SOX6: variants seen among roughly 807,000 people sequenced by gnomAD.
The protein encoded by SOX6 is SRY-box transcription factor 6.
In SOX6, 11 loss-of-function variants were observed where a neutral mutation model predicts 97.8. The ratio of observed to expected loss-of-function variants is 0.11; its 90% CI spans 0.07 to 0.19. The LOEUF (loss-of-function observed/expected upper bound fraction) is 0.19. SOX6 is among the 10% of genes least tolerant of loss of function. SOX6 has a pLI of 1.00. For missense variants in SOX6, 810 were observed against 1,039.5 expected (o/e 0.78, Z 3.04); for synonymous variants, 360 against 371.4 (o/e 0.97, Z 0.35).
intron 4 of SOX6, among the ~76,000 whole-genome samples, chr11:16,609,868 T>A (rs1848377056): frequency 6.6e-6 from 1 of 152,124 alleles, no homozygotes; most frequent in Non-Finnish European, 1.5e-5. Flanking sequence ...GAGGAGTTAG[T>A]CCCCAGCAAG....
chr11:16,444,292 T>C (rs1035887778), intron 1 of SOX6, among the ~76,000 whole-genome samples: 1 of 152,164 alleles, frequency 6.6e-6, no homozygotes, highest in African/African-American at 2.4e-5. Context: ...GGCAGAAGAA[T>C]GAATCTTTGT....
chr11:16,600,357 C>A (rs1162667906), intron 4 of SOX6, among the ~76,000 whole-genome samples: 1 of 152,164 alleles, frequency 6.6e-6, no homozygotes, highest in Non-Finnish European at 1.5e-5. Flanking sequence ...AGCATGGTAT[C>A]ACTATAAAAA....
chr11:16,699,055 A>G (rs531449233), intron 3 of SOX6, among the ~76,000 whole-genome samples: 10 of 152,238 alleles, frequency 6.6e-5, no homozygotes, highest in Non-Finnish European at 1.3e-4. Flanking sequence ...TTCAATTTGC[A>G]AAAGATGCAG....
At chr11:16,062,740 T>A (rs979166247) in intron 9 of SOX6, among the ~76,000 whole-genome samples, 1 of 151,768 alleles carries the variant, frequency 6.6e-6, no homozygotes. Flanking sequence ...AAAAGCACTT[T>A]AAGAAATGAT....
At chr11:16,104,679 G>T (rs1480695282) in intron 7 of SOX6, among the ~76,000 whole-genome samples, 2 of 151,448 alleles carry the variant, frequency 1.3e-5, no homozygotes, top group Non-Finnish European at 3.0e-5. Flanking sequence ...CAGGTTGGGG[G>T]TTATCTTGGA....
Position 16,356,431 on chromosome 11 carries a change from C to T in SOX6, c.-342G>A, listed in dbSNP as rs1857076790. Among the ~76,000 whole-genome samples, 4 of 152,070 alleles carry T rather than the reference C, an allele frequency of 2.6e-5. No individual in the cohort carries two copies. The highest frequency in any genetic ancestry group is 2.6e-4 in the Admixed American group (4 of 15,232). On this transcript the variant is annotated 5_prime_UTR_variant, in exon 1 of 16. Coordinates refer to ENST00000683767, the MANE Select transcript of SOX6 (RefSeq NM_001367873.1). Reference sequence around the variant, plus strand: ...ATACAGTACCCCACATACCTTCTGCCACTGCTGCTACAGTTAAGCAAACTT... The same window carrying T: ...ATACAGTACCCCACATACCTTCTGCTACTGCTGCTACAGTTAAGCAAACTT...
At chr11:16,363,872 A>C (rs1301144276) in intron 1 of SOX6, among the ~76,000 whole-genome samples, 1 of 152,124 alleles carries the variant, frequency 6.6e-6, no homozygotes, top group Non-Finnish European at 1.5e-5. Context: ...AACTAACCAG[A>C]TAAGCATGGA....
intron 10 of SOX6, among the ~76,000 whole-genome samples, chr11:16,053,869 CTT>C (rs1374871659): frequency 6.6e-6 from 1 of 151,926 alleles, no homozygotes; most frequent in Non-Finnish European, 1.5e-5. Context: ...AATTAGCAAA[CTT>C]TAAGATTATT....
intron 3 of SOX6, among the ~76,000 whole-genome samples, chr11:16,247,383 G>C (rs1240450719): frequency 6.6e-6 from 1 of 152,114 alleles, no homozygotes; most frequent in Admixed American, 6.6e-5. Flanking sequence ...TGGAAATGCA[G>C]ACATCTCAAT....
chr11:16,134,604 G>T (rs572047476), intron 6 of SOX6, among the ~76,000 whole-genome samples: 34 of 152,128 alleles, frequency 2.2e-4, no homozygotes. Flanking sequence ...GGTAATTCTC[G>T]CAATATTTCC....
At chr11:16,710,835 T>C (rs1210277079) in intron 3 of SOX6, among the ~76,000 whole-genome samples, 1 of 152,202 alleles carries the variant, frequency 6.6e-6, no homozygotes. Context: ...TTTCCACATA[T>C]ATATCTCAAA....
chr11:16,094,337 C>T (rs1848751173), intron 9 of SOX6, among the ~76,000 whole-genome samples: 1 of 151,428 alleles, frequency 6.6e-6, no homozygotes, highest in East Asian at 1.9e-4. Context: ...GGAGAGAAGC[C>T]GATCTGAGTG....
At chr11:16,293,553 G>A (rs1208351650) in intron 3 of SOX6, among the ~76,000 whole-genome samples, 1 of 152,032 alleles carries the variant, frequency 6.6e-6, no homozygotes, top group East Asian at 1.9e-4. Flanking sequence ...CAGATTATCA[G>A]AGGCAACAAA....
intron 13 of SOX6, among the ~76,000 whole-genome samples, chr11:16,010,522 G>A (rs1020127857): frequency 2.6e-5 from 4 of 151,958 alleles, no homozygotes; most frequent in African/African-American, 9.7e-5. Context: ...TTTTAAAGGT[G>A]TTAGAAGAAT....
At chr11:16,587,554 T>C (rs960421774) in intron 4 of SOX6, among the ~76,000 whole-genome samples, 1 of 152,208 alleles carries the variant, frequency 6.6e-6, no homozygotes, top group Non-Finnish European at 1.5e-5. Flanking sequence ...TTTGGTGATA[T>C]GCATCCAGTT....
At chr11:16,673,557 G>C (rs1328094233) in intron 3 of SOX6, among the ~76,000 whole-genome samples, 1 of 152,136 alleles carries the variant, frequency 6.6e-6, no homozygotes, top group African/African-American at 2.4e-5. Context: ...ATTGAGCCAT[G>C]AAGAAATCTC....
At chr11:16,009,600 A>G (rs1463096920) in intron 13 of SOX6, among the ~76,000 whole-genome samples, 2 of 152,104 alleles carry the variant, frequency 1.3e-5, no homozygotes, top group Non-Finnish European at 2.9e-5. Flanking sequence ...AGAAGTGGCC[A>G]GTATTCTGTC....
chr11:16,544,399 C>A (rs558007915), intron 4 of SOX6, among the ~76,000 whole-genome samples: 1 of 152,208 alleles, frequency 6.6e-6, no homozygotes, highest in South Asian at 2.1e-4. Flanking sequence ...GCTGAGACCA[C>A]AGGCATGAGC....
intron 1 of SOX6, among the ~76,000 whole-genome samples, chr11:16,450,235 T>G (rs1859693712): frequency 6.6e-6 from 1 of 152,184 alleles, no homozygotes; most frequent in Non-Finnish European, 1.5e-5. Context: ...GAAGCACAAT[T>G]TTTTAAAGTA....
Sources: gnomAD v4.1 joint callset for allele counts (sites outside exome capture counted in the v4.1 genomes callset) on GRCh38, gnomAD v4.1.1 for gene constraint, MANE v1.5 for transcripts, NCBI Gene and HGNC (gene_info 2026-07-23, HGNC 2026-07-21) for gene names.